Variants in HERC1 observed in about 807,000 individuals in gnomAD.
HERC1 encodes HECT and RLD domain containing E3 ubiquitin protein ligase family member 1, also known as probable E3 ubiquitin-protein ligase HERC1.
Under a neutral mutation model 554.3 loss-of-function variants are expected in HERC1, and 160 were observed. The observed-to-expected ratio is 0.29, with a 90% CI of 0.25 to 0.33. HERC1 has a LOEUF of 0.33. Ranked by LOEUF, HERC1 falls within the 10% of genes least tolerant of loss-of-function variation. The pLI is 1.00. For synonymous variants in HERC1, 2,175 were observed against 2,131.7 expected, an observed-to-expected ratio of 1.02 and a Z score of -0.56; for missense variants, 4,919 against 5,918.5, an observed-to-expected ratio of 0.83 and a Z score of 5.54.
At chr15:63,825,652 T>C (rs529534519) in intron 1 of HERC1, among the ~76,000 whole-genome samples, 6 of 152,300 alleles carry the variant, frequency 3.9e-5, no homozygotes, top group South Asian at 2.1e-4. Flanking sequence ...GCAAAGGTGA[T>C]TGTACTTTAA....
intron 12 of HERC1, among the ~76,000 whole-genome samples, chr15:63,741,501 C>T (rs969765287): frequency 1.9e-4 from 29 of 152,018 alleles, no homozygotes; most frequent in African/African-American, 6.8e-4. Flanking sequence ...TTAGTAGATA[C>T]GGGGTTTCAC....
chr15:63,814,102 T>C (rs986816181), intron 1 of HERC1, among the ~76,000 whole-genome samples: 40 of 152,088 alleles, frequency 2.6e-4, no homozygotes, highest in African/African-American at 9.4e-4. Context: ...AGTACAGTAT[T>C]TTAAGTTATA....
chr15:63,748,961 CAAAA>C (rs11353871), intron 10 of HERC1, among the ~76,000 whole-genome samples: 1 of 137,876 alleles, frequency 7.3e-6, no homozygotes, highest in African/African-American at 2.6e-5. Flanking sequence ...ATTTTTTTTC[CAAAA>C]AAAAAAAAAA....
rs17185876 is a variant in HERC1 at position 63,654,004 on chromosome 15, G to A, written c.10290+115C>T. ...TAATTGTGTGCATGTGTATGTGTAC[G>A]TGTGAAAGAGAGTGACACAAAGAGA... is the stretch of plus-strand genomic sequence containing the variant. On this transcript the variant is annotated intron_variant, in intron 51 of 77. Coordinates refer to ENST00000443617, the MANE Select transcript of HERC1 (RefSeq NM_003922.4). The A allele has an allele frequency of 0.18, 135,965 of 747,826 alleles. 13,680 individuals carry two copies. The highest frequency in any genetic ancestry group is 0.2 in the Non-Finnish European group (87,685 of 435,798). 46.3% of individuals were successfully genotyped at this position (747,826 alleles called of 1,614,324 possible).
intron 12 of HERC1, among the ~76,000 whole-genome samples, chr15:63,743,311 G>A (rs528246575): frequency 7.2e-6 from 1 of 138,258 alleles, no homozygotes; most frequent in South Asian, 2.2e-4. Context: ...CACCAGGCTG[G>A]AGTGCAGTGG....
intron 12 of HERC1, among the ~76,000 whole-genome samples, chr15:63,740,951 GTTGT>G (rs939401153): frequency 1.3e-5 from 2 of 151,628 alleles, no homozygotes; most frequent in African/African-American, 2.4e-5. Flanking sequence ...TTTTCCTTTG[GTTGT>G]TTGTGCTTTT....
chr15:63,616,204 G>T (rs923564361), intron 75 of HERC1, among the ~76,000 whole-genome samples: 2 of 150,402 alleles, frequency 1.3e-5, no homozygotes, highest in Non-Finnish European at 3.0e-5. Flanking sequence ...ACTCTAACAG[G>T]CAGAAAAAAA....
At chr15:63,823,545 G>C (rs766928162) in intron 1 of HERC1, among the ~76,000 whole-genome samples, 1 of 152,182 alleles carries the variant, frequency 6.6e-6, no homozygotes, top group South Asian at 2.1e-4. Context: ...GACAATGCCC[G>C]TGACCTTTCT....
At chr15:63,636,486 G>C (rs565646430) in intron 64 of HERC1, among the ~76,000 whole-genome samples, 24 of 152,018 alleles carry the variant, frequency 1.6e-4, no homozygotes, top group Non-Finnish European at 2.9e-4. Flanking sequence ...GGCCAGGCTG[G>C]TCATGAACTC....
Position 63,756,022 on chromosome 15 carries a change from C to A in HERC1, c.1533+415G>T, listed in dbSNP as rs1195462020. ...GGTAACCTTTATTGCTCATTTTTTT[C>A]TTTAATATTATCTGAAATTATTCTA... On this transcript the variant is annotated intron_variant, in intron 5 of 77. Coordinates refer to ENST00000443617, the MANE Select transcript of HERC1 (RefSeq NM_003922.4). This position sits in a 1 kb window ranked among gnomAD's most constrained non-coding sequence, Gnocchi z 5.0. 6.6e-6 allele frequency among the ~76,000 whole-genome samples: 1 copy of A among 152,040 alleles called. No individual in the cohort carries two copies. Among genetic ancestry groups the A allele is most frequent in the East Asian group, 1.9e-4 (1 of 5,194 alleles).
chr15:63,753,431 AT>A (rs2075315701), intron 7 of HERC1, among the ~76,000 whole-genome samples: 1 of 152,208 alleles, frequency 6.6e-6, no homozygotes, highest in African/African-American at 2.4e-5. Flanking sequence ...CTATATGCGT[AT>A]AATTTTTCAT....
chr15:63,743,257 C>CT (rs2074894233), intron 12 of HERC1, among the ~76,000 whole-genome samples: 11 of 89,336 alleles, frequency 1.2e-4, no homozygotes, highest in African/African-American at 1.2e-4. Context: ...TTCTTTTTTT[C>CT]TTTTTCTTTT....
chr15:63,728,493 TCA>T (rs2074128164), intron 16 of HERC1, among the ~76,000 whole-genome samples: 1 of 152,202 alleles, frequency 6.6e-6, no homozygotes, highest in African/African-American at 2.4e-5. Flanking sequence ...GGTTTCAGTT[TCA>T]CAGTGTTCCC....
At chr15:63,689,733 A>T (rs2071995752) in intron 32 of HERC1, 34 bp from the exon 33 acceptor site, 1 of 1,284,890 alleles carries the variant, frequency 7.8e-7, no homozygotes, top group East Asian at 2.5e-5. Flanking sequence ...TAAAATTTGT[A>T]AAAAGTAACT....
At chr15:63,654,582 G>A (rs1257394978) in intron 50 of HERC1, among the ~76,000 whole-genome samples, 5 of 152,120 alleles carry the variant, frequency 3.3e-5, no homozygotes, top group African/African-American at 9.7e-5. Flanking sequence ...GCCAGGCATG[G>A]TGGCTCACGC....
intron 42 of HERC1, 31 bp downstream of exon 42, chr15:63,665,888 T>C: frequency 6.5e-7 from 1 of 1,532,048 alleles, no homozygotes; most frequent in Non-Finnish European, 9.0e-7. Flanking sequence ...TTATAACACA[T>C]GGAACAAAAG....
chr15:63,795,753 A>G (rs887036921), intron 1 of HERC1, among the ~76,000 whole-genome samples: 60 of 152,198 alleles, frequency 3.9e-4, no homozygotes, highest in African/African-American at 1.4e-3. Context: ...GGTCATTTAT[A>G]ATCTCACGCG....
chr15:63,698,129 C>T (rs1243535305), intron 26 of HERC1, among the ~76,000 whole-genome samples: 1 of 151,944 alleles, frequency 6.6e-6, no homozygotes, highest in Non-Finnish European at 1.5e-5. Flanking sequence ...AAAATGAAGG[C>T]TCAGGGCCAG....
chr15:63,804,947 T>C (rs985176250), intron 1 of HERC1, among the ~76,000 whole-genome samples: 2 of 152,156 alleles, frequency 1.3e-5, no homozygotes, highest in Non-Finnish European at 2.9e-5. Flanking sequence ...TAGGTATTGG[T>C]GAGGATGTCA....
Sources: allele counts gnomAD v4.1 joint callset (sites outside exome capture counted in the v4.1 genomes callset), GRCh38; gene constraint gnomAD v4.1.1; non-coding constraint Gnocchi (gnomAD v3.1); transcripts MANE v1.5; gene names NCBI Gene and HGNC (gene_info 2026-07-23, HGNC 2026-07-21).